COLEC10: variants seen among roughly 807,000 people sequenced by gnomAD.
COLEC10 encodes the protein collectin-10.
In COLEC10, 22 loss-of-function variants were observed where a neutral mutation model predicts 28.4. That is an observed-to-expected ratio of 0.78 (90% CI 0.55 to 1.11). COLEC10 has a LOEUF of 1.11. Among genes scored for constraint, COLEC10 ranks in the 50% least tolerant of loss-of-function variants. The probability of loss-of-function intolerance (pLI) is 0.00; values close to 1 mark genes in which losing one functional copy is unlikely to be tolerated. For missense variants in COLEC10, 361 were observed against 344.1 expected, an observed-to-expected ratio of 1.05 and a Z score of -0.39; for synonymous variants, 125 against 116.1, an observed-to-expected ratio of 1.08 and a Z score of -0.49.
At chr8:119,087,117 T>C (rs1815495518) in intron 1 of COLEC10, among the ~76,000 whole-genome samples, 1 of 152,206 alleles carries the variant, frequency 6.6e-6, no homozygotes, top group Non-Finnish European at 1.5e-5. Context: ...GCACAAACTA[T>C]TTGATAAATA....
At chr8:119,070,211 C>T (rs552463926) in intron 1 of COLEC10, among the ~76,000 whole-genome samples, 1 of 152,222 alleles carries the variant, frequency 6.6e-6, no homozygotes, top group East Asian at 1.9e-4. Flanking sequence ...TCATCACAGA[C>T]CTCTTTTAAG....
chr8:118,996,230 G>A (rs180741702), intron 1 of COLEC10, among the ~76,000 whole-genome samples: 165 of 152,296 alleles, frequency 1.1e-3, no homozygotes, highest in Non-Finnish European at 1.8e-3. Flanking sequence ...AGGCTGAATA[G>A]TTTTCCATTG....
chr8:119,025,066 C>T (rs900868728), intron 2 of COLEC10, among the ~76,000 whole-genome samples: 4 of 152,122 alleles, frequency 2.6e-5, no homozygotes, highest in Non-Finnish European at 4.4e-5. Flanking sequence ...TCCAGTAACA[C>T]ATATTTGTGT....
chr8:118,968,081 A>C, the COLEC10 span, among the ~76,000 whole-genome samples: 1 of 152,268 alleles, frequency 6.6e-6, no homozygotes, highest in Admixed American at 6.5e-5. Flanking sequence ...CATCATCAAA[A>C]TAAAATTAGA....
At chr8:119,069,078 G>A (rs926631263) in intron 1 of COLEC10, among the ~76,000 whole-genome samples, 2 of 152,214 alleles carry the variant, frequency 1.3e-5, no homozygotes, top group Middle Eastern at 3.4e-3. Context: ...GGGGTTGGAA[G>A]CTAAGATAAG....
chr8:118,985,695 C>T, the COLEC10 span, among the ~76,000 whole-genome samples: 4 of 151,742 alleles, frequency 2.6e-5, no homozygotes, highest in African/African-American at 9.7e-5. Context: ...ATTAGGAAAT[C>T]CTGAAGAAAG....
upstream of COLEC10, among the ~76,000 whole-genome samples, chr8:119,065,296 C>T (rs1357428409): frequency 2.6e-5 from 4 of 152,096 alleles, no homozygotes; most frequent in Non-Finnish European, 4.4e-5. Flanking sequence ...TTAGTTCCCA[C>T]CTCCTGTCAG....
chr8:118,979,645 G>T, the COLEC10 span, among the ~76,000 whole-genome samples: 1 of 151,946 alleles, frequency 6.6e-6, no homozygotes, highest in African/African-American at 2.4e-5. Flanking sequence ...TCATCCCAGT[G>T]TTCAAGAGCT....
At chr8:119,016,626 A>C (rs1211392658) in intron 2 of COLEC10, among the ~76,000 whole-genome samples, 1 of 151,798 alleles carries the variant, frequency 6.6e-6, no homozygotes, top group African/African-American at 2.4e-5. Context: ...CGTTGAACTA[A>C]TACACTCCCA....
rs570805715 is a variant in COLEC10 at position 119,097,702 on chromosome 8, A to G, written c.293-4646A>G. 8.8e-3 allele frequency among the ~76,000 whole-genome samples: 1,333 copies of G among 152,178 alleles called. 20 individuals are homozygous for G. The highest frequency in any genetic ancestry group is 0.031 in the African/African-American group (1,269 of 41,538). Reference sequence around the variant, plus strand: ...TCGTTAAACCACTGGTTAAAGACAGAAAGGTATAGCAGGAAAGTGGGATGT... The same window carrying G: ...TCGTTAAACCACTGGTTAAAGACAGGAAGGTATAGCAGGAAAGTGGGATGT... On this transcript the variant is annotated intron_variant, in intron 3 of 5. Coordinates refer to ENST00000332843, the MANE Select transcript of COLEC10 (RefSeq NM_006438.5).
chr8:119,069,588 A>G (rs1007188978), intron 1 of COLEC10, among the ~76,000 whole-genome samples: 1 of 124,054 alleles, frequency 8.1e-6, no homozygotes, highest in Non-Finnish European at 1.7e-5. Flanking sequence ...CCTGGACAAC[A>G]GAGTGAGACC....
upstream of COLEC10, among the ~76,000 whole-genome samples, chr8:119,065,428 T>G (rs1218212886): frequency 6.6e-6 from 1 of 152,154 alleles, no homozygotes; most frequent in Admixed American, 6.5e-5. Flanking sequence ...CTGTCTCCCA[T>G]CATCCCCAGA....
chr8:119,041,145 C>G lies in COLEC10; in HGVS notation n.235+31592C>G, dbSNP rs1339322136. ...AGGGTCTACTTCTGGGGAATTTGAC[C>G]TAAAACGTGGTGGAGCTCAGTCTCA... is the stretch of plus-strand genomic sequence containing the variant. On this transcript the variant is annotated intron_variant and non_coding_transcript_variant, in intron 2 of 6. Coordinates refer to the COLEC10 transcript ENST00000521788. Among the ~76,000 whole-genome samples the G allele has an allele frequency of 6.6e-5, 10 of 152,252 alleles. No homozygotes were observed. The East Asian group carries it at 1.9e-3, about 29-fold the overall frequency.
intron 2 of COLEC10, among the ~76,000 whole-genome samples, chr8:119,039,791 T>A (rs1814460252): frequency 6.6e-6 from 1 of 152,168 alleles, no homozygotes. Flanking sequence ...GACCAAGTCC[T>A]TCTCATGGTG....
chr8:119,093,527 C>T (rs1011769240), intron 3 of COLEC10, among the ~76,000 whole-genome samples: 2 of 152,176 alleles, frequency 1.3e-5, no homozygotes, highest in Admixed American at 1.3e-4. Flanking sequence ...GAAGAGTCCT[C>T]ATGTGTTTCA....
the COLEC10 span, among the ~76,000 whole-genome samples, chr8:118,959,695 T>C: frequency 1.3e-5 from 2 of 152,194 alleles, no homozygotes; most frequent in Non-Finnish European, 2.9e-5. Flanking sequence ...ACTACCTACA[T>C]GAAACTATAA....
intron 2 of COLEC10, among the ~76,000 whole-genome samples, chr8:119,059,121 AT>A (rs1200871347): frequency 6.6e-6 from 1 of 152,056 alleles, no homozygotes; most frequent in Non-Finnish European, 1.5e-5. Flanking sequence ...CAAATTCTTT[AT>A]TGGATATATG....
intron 5 of COLEC10, among the ~76,000 whole-genome samples, chr8:119,105,414 C>T (rs980158781): frequency 5.9e-5 from 9 of 152,082 alleles, no homozygotes; most frequent in African/African-American, 2.2e-4. Context: ...GTAGAAAAGA[C>T]TTTCTAGGCA....
chr8:119,107,415 CA>C lies in COLEC10; in HGVS notation c.*1225del, dbSNP rs1347809800. On this transcript the variant is annotated 3_prime_UTR_variant, in exon 6 of 6. Coordinates refer to ENST00000332843, the MANE Select transcript of COLEC10 (RefSeq NM_006438.5). ...CTTTCACTTGGAATTTAAAAATAAACAGTTCAAAGATACTCTAGATTATCAC... is the reference window on the plus strand; with the variant it reads ...CTTTCACTTGGAATTTAAAAATAAACGTTCAAAGATACTCTAGATTATCAC... Among the ~76,000 whole-genome samples, 1 of 152,126 alleles carries C rather than the reference CA, an allele frequency of 6.6e-6. No individual in the cohort carries two copies. Among genetic ancestry groups the C allele is most frequent in the Non-Finnish European group, 1.5e-5 (1 of 68,020 alleles).
Sources: gnomAD v4.1 joint callset for allele counts (sites outside exome capture counted in the v4.1 genomes callset) on GRCh38, gnomAD v4.1.1 for gene constraint, MANE v1.5 for transcripts, NCBI Gene and HGNC (gene_info 2026-07-23, HGNC 2026-07-21) for gene names.